GRM7: variants seen among roughly 807,000 people sequenced by gnomAD.
GRM7 encodes glutamate metabotropic receptor 7, also known as metabotropic glutamate receptor 7.
In GRM7, 35 loss-of-function variants were observed where a neutral mutation model predicts 84.5. That is an observed-to-expected ratio of 0.41 (90% confidence interval 0.32 to 0.55). The LOEUF (loss-of-function observed/expected upper bound fraction) is 0.55. Among genes scored for constraint, GRM7 ranks in the 20% least tolerant of loss-of-function variants. The probability of loss-of-function intolerance (pLI) is 0.19; values close to 1 mark genes in which losing one functional copy is unlikely to be tolerated. For synonymous variants in GRM7, 487 were observed against 455.1 expected (o/e 1.07, Z -0.89); for missense variants, 1,003 against 1,194.6 (o/e 0.84, Z 2.36).
intron 1 of GRM7, chr3:6,956,520 G>A (rs976458562): frequency 4.4e-6 from 2 of 454,012 alleles, no homozygotes; most frequent in Non-Finnish European, 8.8e-6. Context: ...GAAAACCAGA[G>A]AGATTTCTGT....
intron 1 of GRM7, among the ~76,000 whole-genome samples, chr3:7,061,308 A>G (rs1409951578): frequency 6.6e-6 from 1 of 151,820 alleles, no homozygotes; most frequent in African/African-American, 2.4e-5. Flanking sequence ...AATAGCCAGC[A>G]TATTTTTTAG....
At chr3:7,260,492 A>G (rs749116197) in intron 2 of GRM7, among the ~76,000 whole-genome samples, 5 of 152,108 alleles carry the variant, frequency 3.3e-5, no homozygotes, top group Non-Finnish European at 5.9e-5. Context: ...TGTGTGCATA[A>G]AGGTGTTCAC....
intron 1 of GRM7, among the ~76,000 whole-genome samples, chr3:7,082,438 C>G (rs560490206): frequency 6.6e-6 from 1 of 152,218 alleles, no homozygotes; most frequent in South Asian, 2.1e-4. Context: ...GACATTATCG[C>G]TGACAATGCA....
chr3:7,444,750 G>A (rs1314142411), intron 5 of GRM7, among the ~76,000 whole-genome samples: 4 of 151,974 alleles, frequency 2.6e-5, no homozygotes, highest in Non-Finnish European at 5.9e-5. Flanking sequence ...ATCTTTCCTT[G>A]CACTTACCTG....
At chr3:7,092,373 T>G (rs1268008666) in intron 1 of GRM7, among the ~76,000 whole-genome samples, 1 of 152,174 alleles carries the variant, frequency 6.6e-6, no homozygotes, top group Non-Finnish European at 1.5e-5. Flanking sequence ...TAGTTACCAC[T>G]TCTTGGTTTA....
At chr3:7,271,350 G>C (rs1013408538) in intron 2 of GRM7, among the ~76,000 whole-genome samples, 3 of 152,090 alleles carry the variant, frequency 2.0e-5, no homozygotes, top group Middle Eastern at 6.8e-3. Flanking sequence ...ACGAGGTCAG[G>C]AGATCGAGAC....
chr3:7,394,533 A>T (rs1428062065), intron 4 of GRM7, among the ~76,000 whole-genome samples: 1 of 152,206 alleles, frequency 6.6e-6, no homozygotes, highest in Non-Finnish European at 1.5e-5. Context: ...CTCATATACT[A>T]ATTGTTATAC....
intron 1 of GRM7, among the ~76,000 whole-genome samples, chr3:7,031,063 T>A (rs1455239415): frequency 6.6e-6 from 1 of 152,172 alleles, no homozygotes. Context: ...ATAAACACTA[T>A]CACATTATTC....
chr3:7,283,041 T>A (rs1391545676), intron 2 of GRM7, among the ~76,000 whole-genome samples: 1 of 152,120 alleles, frequency 6.6e-6, no homozygotes, highest in Admixed American at 6.5e-5. Context: ...TTCTGCTTGG[T>A]TTATTGGGAA....
chr3:6,991,525 G>C (rs144274979), intron 1 of GRM7, among the ~76,000 whole-genome samples: 1 of 152,156 alleles, frequency 6.6e-6, no homozygotes, highest in East Asian at 1.9e-4. Flanking sequence ...TACAGCTAAA[G>C]TTAAGAGTCA....
rs114919915 is a variant in GRM7, at chr3:7,132,153, T to G, written c.520-14299T>G. ...GAGTTGTTCTTTCTTCAGTGACCTT[T>G]TAGTGTTTTATGTAGACTGGTGCCC... is the stretch of plus-strand genomic sequence containing the variant. On this transcript the variant is annotated intron_variant, in intron 1 of 9. Coordinates refer to ENST00000357716, the MANE Select transcript of GRM7 (RefSeq NM_000844.4). 3.2e-3 allele frequency among the ~76,000 whole-genome samples: 481 copies of G among 152,274 alleles called. 3 individuals are homozygous for G. The highest frequency in any genetic ancestry group is 0.011 in the African/African-American group (455 of 41,554).
intron 9 of GRM7, among the ~76,000 whole-genome samples, chr3:7,724,153 C>T (rs1420275219): frequency 2.0e-5 from 3 of 152,038 alleles, no homozygotes; most frequent in African/African-American, 7.3e-5. Flanking sequence ...ACCATGCCTG[C>T]CTGTAATACG....
At chr3:7,312,307 A>T (rs1398457538) in intron 4 of GRM7, among the ~76,000 whole-genome samples, 2 of 152,096 alleles carry the variant, frequency 1.3e-5, no homozygotes, top group African/African-American at 4.8e-5. Flanking sequence ...AGTAGAAAAC[A>T]TGCTACTTGG....
chr3:6,951,189 C>G (rs1194001207), intron 1 of GRM7, among the ~76,000 whole-genome samples: 1 of 152,154 alleles, frequency 6.6e-6, no homozygotes, highest in African/African-American at 2.4e-5. Flanking sequence ...GGCTCCACCC[C>G]CAGTCTGACT....
chr3:7,239,380 C>T (rs1190993818), intron 2 of GRM7, among the ~76,000 whole-genome samples: 2 of 152,124 alleles, frequency 1.3e-5, no homozygotes, highest in Non-Finnish European at 2.9e-5. Context: ...CGGAGCTGGC[C>T]TTATCAGTCA....
Position 6,928,998 on chromosome 3 carries a change from TG to T in GRM7, c.519+67092del, listed in dbSNP as rs1280942811. On this transcript the variant is annotated intron_variant, in intron 1 of 9. Transcript: ENST00000357716. The surrounding 1 kb of genome is among the most constrained non-coding windows in gnomAD (Gnocchi z 4.5). ...GGCTTCTGTAAGCAAATGAGAGAGC[TG>T]AACATTCCACCCACGACCTGCTTGG... is the stretch of plus-strand genomic sequence containing the variant. 2.0e-5 allele frequency among the ~76,000 whole-genome samples: 3 copies of T among 152,166 alleles called. No homozygotes were observed. The highest frequency in any genetic ancestry group is 4.4e-5 in the Non-Finnish European group (3 of 68,040).
chr3:7,314,688 G>T (rs530043061), intron 4 of GRM7, among the ~76,000 whole-genome samples: 1 of 151,972 alleles, frequency 6.6e-6, no homozygotes, highest in Non-Finnish European at 1.5e-5. Flanking sequence ...TTTGTCCATG[G>T]TTTCCTGTAG....
chr3:7,485,469 C>G (rs1699286203), intron 7 of GRM7, among the ~76,000 whole-genome samples: 1 of 152,128 alleles, frequency 6.6e-6, no homozygotes, highest in African/African-American at 2.4e-5. Flanking sequence ...ACCACAAGTC[C>G]CTAAGTTTCT....
In GRM7 at chr3:7,454,090, A is replaced by ACACACTCTCTCTCTCTCTCT. The variant is rs1365192243; in HGVS notation, c.1375+1284_1375+1285insACACTCTCTCTCTCTCTCTC. ...ACCATACATGAAAAGCTACACACAC[A>ACACACTCTCTCTCTCTCTCT]CTCTCTCTCTCTCTCTCTCTCTCTC... On this transcript the variant is annotated intron_variant, in intron 6 of 9. Transcript: ENST00000357716. 3.9e-4 allele frequency among the ~76,000 whole-genome samples: 54 copies of ACACACTCTCTCTCTCTCTCT among 140,196 alleles called. No homozygotes were observed. The East Asian group carries it at 6.9e-3, about 18-fold the overall frequency. 92.0% of individuals were successfully genotyped at this position (140,196 alleles called of 152,430 possible).
Sources: gnomAD v4.1 joint callset for allele counts (sites outside exome capture counted in the v4.1 genomes callset) on GRCh38, gnomAD v4.1.1 for gene constraint, Gnocchi (gnomAD v3.1) non-coding constraint, MANE v1.5 for transcripts, NCBI Gene and HGNC (gene_info 2026-07-23, HGNC 2026-07-21) for gene names.